Variants in PDZD2 observed in about 807,000 individuals in gnomAD.
PDZD2 encodes the protein PDZ domain containing 2.
A neutral mutation model predicts 220.7 loss-of-function variants in PDZD2; 90 were observed. The observed-to-expected ratio is 0.41, with a 90% CI of 0.34 to 0.49. The LOEUF is 0.49. PDZD2 is among the 20% of genes least tolerant of loss of function. The pLI, the probability that PDZD2 is intolerant of heterozygous loss-of-function variation, is 0.28. For synonymous variants in PDZD2, 1,375 were observed against 1,450.5 expected (o/e 0.95, Z 1.18); for missense variants, 3,174 against 3,608.5 (o/e 0.88, Z 3.08).
chr5:31,729,120 T>TTG (rs1410916232), intron 1 of PDZD2, among the ~76,000 whole-genome samples: 13 of 150,246 alleles, frequency 8.7e-5, no homozygotes, highest in Non-Finnish European at 1.6e-4. Flanking sequence ...TTTTTTTTTT[T>TTG]GAGACAGAGT....
At chr5:31,652,736 C>A (rs1580519381) in intron 1 of PDZD2, among the ~76,000 whole-genome samples, 2 of 152,186 alleles carry the variant, frequency 1.3e-5, no homozygotes, top group South Asian at 4.1e-4. Context: ...AGTGGCCAGG[C>A]GCAGTGGCTC....
intron 5 of PDZD2, among the ~76,000 whole-genome samples, chr5:32,003,249 CCACA>C (rs1561317215): frequency 2.3e-5 from 3 of 130,580 alleles, no homozygotes; most frequent in Non-Finnish European, 4.9e-5. Context: ...CACACACACA[CCACA>C]CACACACCAC....
chr5:31,748,828 T>A (rs950825975), intron 1 of PDZD2, among the ~76,000 whole-genome samples: 3 of 152,364 alleles, frequency 2.0e-5, no homozygotes, highest in African/African-American at 7.2e-5. Context: ...CACATTGCAA[T>A]GACAGATTTT....
At chr5:32,077,662 A>G (rs1741429434) in intron 19 of PDZD2, 56 bp downstream of exon 19, 1 of 1,573,856 alleles carries the variant, frequency 6.4e-7, no homozygotes, top group Non-Finnish European at 8.7e-7. Flanking sequence ...TACCCTAATG[A>G]AAGCATTATA....
rs34330342 is a variant in PDZD2 at position 31,643,827 on chromosome 5, A to ATT, written c.-361+4403_-361+4404dup. 3.6e-4 allele frequency among the ~76,000 whole-genome samples: 53 copies of ATT among 146,168 alleles called. No homozygotes were observed. In the East Asian group the frequency reaches 8.4e-3, roughly 23 times the overall value. On this transcript the variant is annotated intron_variant, in intron 1 of 24. Transcript: ENST00000438447. The stretch of plus-strand genomic sequence containing the variant: ...AATGAAATTGGGGAAAATGTGAATA[A>ATT]TTTTTTTTTTTTTTGAGACAGGGTC...
At chr5:31,738,934 G>T (rs1209911578) in intron 1 of PDZD2, among the ~76,000 whole-genome samples, 1 of 151,060 alleles carries the variant, frequency 6.6e-6, no homozygotes, top group Admixed American at 6.6e-5. Flanking sequence ...CGCTCAGGCT[G>T]GAGTGCAGTG....
chr5:31,978,244 C>A (rs1038457057), intron 2 of PDZD2, among the ~76,000 whole-genome samples: 3 of 152,102 alleles, frequency 2.0e-5, no homozygotes, highest in African/African-American at 7.2e-5. Context: ...TATTCCATTT[C>A]TTTCTCAAAT....
chr5:31,995,441 C>A (rs375675075), intron 3 of PDZD2, 135 bp from the exon 4 acceptor site: 1 of 916,838 alleles, frequency 1.1e-6, no homozygotes, highest in Non-Finnish European at 1.7e-6. Flanking sequence ...CGGCAGAATT[C>A]TTTTCTCCTG....
intron 6 of PDZD2, among the ~76,000 whole-genome samples, chr5:32,018,304 G>C (rs1025569029): frequency 6.6e-6 from 1 of 152,194 alleles, no homozygotes; most frequent in South Asian, 2.1e-4. Flanking sequence ...AAGTGGCAAG[G>C]CTTCTAAGAG....
intron 1 of PDZD2, among the ~76,000 whole-genome samples, chr5:31,719,325 CA>C (rs1748641917): frequency 6.6e-6 from 1 of 152,070 alleles, no homozygotes; most frequent in South Asian, 2.1e-4. Flanking sequence ...AAAATTCCAG[CA>C]AACAGAATGG....
intron 1 of PDZD2, among the ~76,000 whole-genome samples, chr5:31,776,662 A>ATTTAT (rs1286125892): frequency 6.7e-6 from 1 of 149,012 alleles, no homozygotes; most frequent in African/African-American, 2.5e-5. Flanking sequence ...TTATTTATTT[A>ATTTAT]TTTTGAGACG....
Position 32,074,499 on chromosome 5 carries a change from C to T in PDZD2, c.3393C>T (p.Ser1131=), listed in dbSNP as rs139018036. 11 of 1,613,962 alleles carry T rather than the reference C, an allele frequency of 6.8e-6. No individual in the cohort carries two copies. The highest frequency in any genetic ancestry group is 3.3e-5 in the Admixed American group (2 of 60,010). Residue 1131 remains serine, a synonymous_variant, in exon 18 of 25, where the codon TCC becomes TCT. Transcript: ENST00000438447. ...GGGTAAGCCCCCACTGCAAGAGATCCGAGGCTGAGGCCAAGCCCAGTGGCT... is the reference window on the plus strand; with the variant it reads ...GGGTAAGCCCCCACTGCAAGAGATCTGAGGCTGAGGCCAAGCCCAGTGGCT... ...VARVSPHCKR[S]EAEAKPSGSQ... is the part of the protein sequence containing the mutation.
intron 1 of PDZD2, among the ~76,000 whole-genome samples, chr5:31,789,547 T>C (rs1753578461): frequency 6.6e-6 from 1 of 152,230 alleles, no homozygotes; most frequent in Non-Finnish European, 1.5e-5. Flanking sequence ...TTATGTGGTC[T>C]TCTCCATCAG....
chr5:31,689,351 A>ATTTTT (rs1288275783), intron 1 of PDZD2, among the ~76,000 whole-genome samples: 8 of 28,186 alleles, frequency 2.8e-4, no homozygotes, highest in African/African-American at 2.1e-3. Context: ...ATATATATAT[A>ATTTTT]TATTTTTTTT....
intron 1 of PDZD2, among the ~76,000 whole-genome samples, chr5:31,699,406 G>A (rs1269440815): frequency 6.6e-6 from 1 of 152,052 alleles, no homozygotes; most frequent in Non-Finnish European, 1.5e-5. Context: ...TTGAGGCTAG[G>A]AGTGAGAGGC....
rs762348033 is a variant in PDZD2, at chr5:32,010,481, C to T, written c.1406C>T (p.Ala469Val). 1.2e-6 allele frequency: 2 copies of T among 1,606,802 alleles called. No individual in the cohort carries two copies. The highest frequency in any genetic ancestry group is 1.1e-5 in the South Asian group (1 of 90,716). ...GGAACCAGCTCTTCTGTCCAGAGAG[C>T]AGTAAGTGGCTCTGTGCTCCTGGCT... Reference protein sequence around the residue: ...DEGTSSSVQRAMPGTDEPQDV... With the variant: ...DEGTSSSVQRVMPGTDEPQDV... The change falls in exon 6 of 25, where the codon GCA becomes GTA. Residue 469 changes from alanine to valine, a missense_variant and splice_region_variant. Around this residue, in one of 4 missense-constraint regions of PDZD2, gnomAD observed 632 missense variants for 708.1 expected, o/e 0.89. Transcript: ENST00000438447.
At chr5:32,002,720 A>G (rs1752276655) in intron 5 of PDZD2, among the ~76,000 whole-genome samples, 2 of 103,876 alleles carry the variant, frequency 1.9e-5, no homozygotes, top group Non-Finnish European at 3.9e-5. Context: ...CACACCCCAC[A>G]CACCAACACA....
At chr5:32,062,455 A>G (rs1370109650) in intron 14 of PDZD2, among the ~76,000 whole-genome samples, 2 of 148,776 alleles carry the variant, frequency 1.3e-5, no homozygotes, top group Admixed American at 6.8e-5. Flanking sequence ...GTGCAATGGC[A>G]CAATCATGGC....
In PDZD2 at chr5:31,799,329, G is replaced by C; in HGVS notation, c.81G>C (p.Gly27=). The change falls in exon 2 of 25, where the codon GGG becomes GGC. Residue 27 remains glycine (G), a synonymous_variant. Transcript: ENST00000438447. ...QWLQNSLQEG[G]DGPEQRLCQA... ...TGCAGAACAGCCTGCAGGAAGGTGG[G>C]GATGGGCCGGAGCAGCGGCTCTGCC... 6.2e-7 allele frequency: 1 copy of C among 1,614,214 alleles called. No homozygotes were observed. The highest frequency in any genetic ancestry group is 8.5e-7 in the Non-Finnish European group (1 of 1,180,032).
Sources: allele counts gnomAD v4.1 joint callset (sites outside exome capture counted in the v4.1 genomes callset), GRCh38; gene constraint gnomAD v4.1.1; regional missense constraint gnomAD v4.1.1; transcripts MANE v1.5; gene names NCBI Gene and HGNC (gene_info 2026-07-23, HGNC 2026-07-21).